Variants in GEN1 observed in about 807,000 individuals in gnomAD.
The protein encoded by GEN1 is flap endonuclease GEN homolog 1.
GEN1 carries 64 observed loss-of-function variants against 67.6 expected under a neutral mutation model. That is an observed-to-expected ratio of 0.95 (90% CI 0.77 to 1.17). GEN1 has a LOEUF of 1.17. GEN1 is among the 50% of genes most tolerant of loss of function. The pLI is 0.00. For missense variants in GEN1, 1,058 were observed against 1,048.3 expected, an observed-to-expected ratio of 1.01 and a Z score of -0.13; for synonymous variants, 371 against 359.4, an observed-to-expected ratio of 1.03 and a Z score of -0.37.
At position 17,761,548 on chromosome 2, in the gene GEN1, CAGGG is replaced by C; in HGVS notation, c.317_320del (p.Gly106AspfsTer8). 1 of 1,610,686 alleles carries C rather than the reference CAGGG, an allele frequency of 6.2e-7. No homozygotes were observed. The highest frequency in any genetic ancestry group is 1.3e-5 in the African/African-American group (1 of 74,784). ...TCTGGAAAATCGTGGTCTCAGAAAA[CAGGG>C]AGATCACATTTTAAATCAGTCTTAA... On this transcript the variant is annotated frameshift_variant, in exon 3 of 14. Coordinates refer to ENST00000381254, the MANE Select transcript of GEN1 (RefSeq NM_001130009.3). LOFTEE classifies it high-confidence loss of function.
At chr2:17,757,044 G>A (rs1296595635) in intron 1 of GEN1, among the ~76,000 whole-genome samples, 1 of 152,138 alleles carries the variant, frequency 6.6e-6, no homozygotes, top group East Asian at 1.9e-4. Flanking sequence ...CTAATAAAAT[G>A]TACATTTCAC....
At position 17,766,585 on chromosome 2, in the gene GEN1, C is replaced by T. The variant is rs747865652; in HGVS notation, c.532C>T (p.His178Tyr). The T allele has an allele frequency of 1.3e-6, 2 of 1,565,216 alleles. No homozygotes were observed. Among genetic ancestry groups the T allele is most frequent in the South Asian group, 1.1e-5 (1 of 88,210 alleles). Residue 178 changes from histidine (H) to tyrosine (Y), a missense_variant, in exon 5 of 14, where the codon CAT (histidine) becomes TAT (tyrosine). Coordinates refer to ENST00000381254, the MANE Select transcript of GEN1 (RefSeq NM_001130009.3). ...AAATCTGTTCTTTCTTTAGGACCCACATGTTGACTGTTACACAATGTCATC... is the reference window on the plus strand; with the variant it reads ...AAATCTGTTCTTTCTTTAGGACCCATATGTTGACTGTTACACAATGTCATC... ...RNFTMNTKDP[H>Y]VDCYTMSSIK... is the part of the protein sequence containing the mutation.
intron 4 of GEN1, among the ~76,000 whole-genome samples, chr2:17,765,769 T>C (rs1671898865): frequency 6.6e-6 from 1 of 152,166 alleles, no homozygotes; most frequent in African/African-American, 2.4e-5. Flanking sequence ...CCAGACATAT[T>C]AATGGTGGAA....
At chr2:17,753,339 G>GGGAGGGGACGGCCGCCTC, upstream of GEN1, among the ~76,000 whole-genome samples, 1 of 151,700 alleles carries the variant, frequency 6.6e-6, no homozygotes, top group African/African-American at 2.4e-5. Context: ...ACGGCCGCCT[G>GGGAGGGGACGGCCGCCTC]GGAGGGGACG....
Position 17,780,889 on chromosome 2 carries a change from CAGTA to C in GEN1, c.1681_1684del (p.Lys561LeufsTer2), listed in dbSNP as rs753796638. 3.1e-6 allele frequency: 5 copies of C among 1,613,744 alleles called. No homozygotes were observed. The highest frequency in any genetic ancestry group is 4.2e-6 in the Non-Finnish European group (5 of 1,179,804). The stretch of plus-strand genomic sequence containing the variant: ...TGGCTATACAGCAAATTAAAGCTGT[CAGTA>C]AGTCTCTAATTTCAGAATCTAGTCA... On this transcript the variant is annotated frameshift_variant, in exon 14 of 14. Coordinates refer to ENST00000381254, the MANE Select transcript of GEN1 (RefSeq NM_001130009.3). LOFTEE classifies it low-confidence loss of function (END_TRUNC).
At chr2:17,759,690 C>G (rs577253791) in intron 1 of GEN1, among the ~76,000 whole-genome samples, 1 of 151,972 alleles carries the variant, frequency 6.6e-6, no homozygotes, top group Non-Finnish European at 1.5e-5. Flanking sequence ...TTACAGCATC[C>G]TTGCATTCGC....
At chr2:17,778,743 A>G (rs1349035085) in intron 12 of GEN1, among the ~76,000 whole-genome samples, 1 of 151,582 alleles carries the variant, frequency 6.6e-6, no homozygotes, top group South Asian at 2.1e-4. Context: ...AAAAATTGAG[A>G]TTGTTAAAAT....
chr2:17,759,729 T>A (rs1671586595), intron 1 of GEN1, among the ~76,000 whole-genome samples, 200 bp from the exon 2 acceptor site: 1 of 152,210 alleles, frequency 6.6e-6, no homozygotes, highest in African/African-American at 2.4e-5. Context: ...TTAGCTCTTG[T>A]TTTTAGCTGG....
rs1053543403 is a variant in GEN1, at chr2:17,780,628, G to T, written c.1416G>T (p.Lys472Asn). 4.5e-6 allele frequency: 7 copies of T among 1,572,466 alleles called. No homozygotes were observed. In the African/African-American group the frequency reaches 6.8e-5, roughly 15 times the overall value. ...EIKGKKQKRI[K>N]PKENNLPEPD... ...TATTTTTTTTCTTTTCAGGTATTAA[G>T]CCTAAAGAAAACAATTTGCCAGAAC... The change falls in exon 14 of 14, where the codon AAG becomes AAT. Residue 472 changes from lysine (K) to asparagine (N), a missense_variant. Physicochemically the swap from Lys to Asn is moderately conservative, Grantham distance 94. Transcript: ENST00000381254.
chr2:17,773,075 T>G, intron 8 of GEN1, 21 bp from the exon 9 acceptor site: 2 of 1,480,068 alleles, frequency 1.4e-6, no homozygotes, highest in Non-Finnish European at 1.9e-6. Flanking sequence ...AGTAATAACA[T>G]GTATATAATT....
chr2:17,782,856 TAA>T lies in GEN1; in HGVS notation c.*918_*919del, dbSNP rs1221913898. The T allele has an allele frequency of 6.6e-6, 1 of 152,186 alleles. No individual in the cohort carries two copies. The highest frequency in any genetic ancestry group is 1.5e-5 in the Non-Finnish European group (1 of 68,034). 9.4% of individuals were successfully genotyped at this position (152,186 alleles called of 1,614,324 possible). Reference sequence around the variant, plus strand: ...TATTGACTTTAATACCACCAAATATTAAGTCATGCATTAATTTAGGTCGCACT... The same window carrying T: ...TATTGACTTTAATACCACCAAATATTGTCATGCATTAATTTAGGTCGCACT... On this transcript the variant is annotated 3_prime_UTR_variant, in exon 14 of 14. Transcript: ENST00000381254.
chr2:17,774,223 G>A (rs1355430178), intron 10 of GEN1, 48 bp from the exon 11 acceptor site: 12 of 1,123,804 alleles, frequency 1.1e-5, no homozygotes, highest in South Asian at 7.0e-5. Context: ...AGTGCTATTT[G>A]TCTCCAAGAG....
rs189890325 is a variant in GEN1, at chr2:17,774,884, T to C, written c.1202+483T>C. ...GAATTTCTCTGTTCCTATCAGGAGATTAGAGGCTGGGGTAGATAATAAAAA... is the reference window on the plus strand; with the variant it reads ...GAATTTCTCTGTTCCTATCAGGAGACTAGAGGCTGGGGTAGATAATAAAAA... On this transcript the variant is annotated intron_variant, in intron 11 of 13. Transcript: ENST00000381254. 3.2e-4 allele frequency among the ~76,000 whole-genome samples: 49 copies of C among 151,924 alleles called. No individual in the cohort carries two copies. The East Asian group carries it at 7.9e-3, about 25-fold the overall frequency.
rs1182142730 is a variant in GEN1 at position 17,785,019 on chromosome 2, T to C, written c.*3080T>C. Reference sequence around the variant, plus strand: ...GCTCTGCCTCCTGTCAGATCAGCGGTGGCATTAGAGTCTCATAGGAGCATG... The same window carrying C: ...GCTCTGCCTCCTGTCAGATCAGCGGCGGCATTAGAGTCTCATAGGAGCATG... On this transcript the variant is annotated 3_prime_UTR_variant, in exon 14 of 14. Coordinates refer to ENST00000381254, the MANE Select transcript of GEN1 (RefSeq NM_001130009.3). 6.6e-6 allele frequency: 1 copy of C among 152,172 alleles called. No homozygotes were observed. Among genetic ancestry groups the C allele is most frequent in the African/African-American group, 2.4e-5 (1 of 41,412 alleles). The allele number at this position is 152,172 out of a possible 1,614,324, so 9.4% of individuals were successfully genotyped here. A position where few individuals can be genotyped will look rare whatever the true frequency, so the allele number is the denominator to read the frequency against.
At chr2:17,767,928 G>A (rs796883147) in intron 5 of GEN1, among the ~76,000 whole-genome samples, 18 of 152,316 alleles carry the variant, frequency 1.2e-4, no homozygotes, top group African/African-American at 4.3e-4. Flanking sequence ...AGGCAATAGA[G>A]ATGGAAGAGA....
At position 17,766,693 on chromosome 2, in the gene GEN1, A is replaced by G; in HGVS notation, c.636+4A>G. 6.8e-7 allele frequency: 1 copy of G among 1,478,848 alleles called. No individual in the cohort carries two copies. The highest frequency in any genetic ancestry group is 9.4e-7 in the Non-Finnish European group (1 of 1,058,534). 91.6% of individuals were successfully genotyped at this position (1,478,848 alleles called of 1,614,324 possible). On this transcript the variant is annotated splice_donor_region_variant and intron_variant, in intron 5 of 13. Transcript: ENST00000381254. Reference sequence around the variant, plus strand: ...TGGCTGTGATTATCTCCCAAAGGTAAGCTGAAATTGTCATATTTATTTGCT... The same window carrying G: ...TGGCTGTGATTATCTCCCAAAGGTAGGCTGAAATTGTCATATTTATTTGCT...
At position 17,778,268 on chromosome 2, in the gene GEN1, ACATATATGTATATACACACACATG is replaced by A. The variant is rs1558408998; in HGVS notation, c.1264+206_1264+229del. Among the ~76,000 whole-genome samples, 8 of 93,750 alleles carry A rather than the reference ACATATATGTATATACACACACATG, an allele frequency of 8.5e-5. 2 individuals are homozygous for A. The highest frequency in any genetic ancestry group is 2.8e-4 in the African/African-American group (8 of 28,130). 61.5% of individuals were successfully genotyped at this position (93,750 alleles called of 152,430 possible). A position where few individuals can be genotyped will look rare whatever the true frequency, so the allele number is the denominator to read the frequency against. On this transcript the variant is annotated intron_variant, in intron 12 of 13. Coordinates refer to ENST00000381254, the MANE Select transcript of GEN1 (RefSeq NM_001130009.3). ...TATATGTATACACACATATGTGTGT[ACATATATGTATATACACACACATG>A]TGTGTGTACATATATGTATATACAC...
At position 17,787,776 on chromosome 2, in the gene GEN1, T is replaced by A. The variant is rs570235026; in HGVS notation, c.*5837T>A. On this transcript the variant is annotated 3_prime_UTR_variant, in exon 14 of 14. Transcript: ENST00000381254. Reference sequence around the variant, plus strand: ...CCATCTCTACAAAAAATACAAAAATTAGCCGGGTGTGGTGATGGGTACCTG... The same window carrying A: ...CCATCTCTACAAAAAATACAAAAATAAGCCGGGTGTGGTGATGGGTACCTG... 1 of 151,952 alleles carries A rather than the reference T, an allele frequency of 6.6e-6. No individual in the cohort carries two copies. The highest frequency in any genetic ancestry group is 1.5e-5 in the Non-Finnish European group (1 of 68,004). 9.4% of individuals were successfully genotyped at this position (151,952 alleles called of 1,614,324 possible). A position where few individuals can be genotyped will look rare whatever the true frequency, so the allele number is the denominator to read the frequency against.
Position 17,781,721 on chromosome 2 carries a change from C to T in GEN1, c.2509C>T (p.His837Tyr), listed in dbSNP as rs949116408. ...HNSSHFKESG[H>Y]NKLSSPKIHI... ...TTCATCCCATTTCAAAGAAAGTGGC[C>T]ATAACAAGTTGAGTAGCCCTAAGAT... Residue 837 changes from histidine to tyrosine, a missense_variant, in exon 14 of 14, where the codon CAT (histidine) becomes TAT (tyrosine). Coordinates refer to ENST00000381254, the MANE Select transcript of GEN1 (RefSeq NM_001130009.3). 4.3e-6 allele frequency: 7 copies of T among 1,612,026 alleles called. No individual in the cohort carries two copies. In the Admixed American group the frequency reaches 5.0e-5, roughly 12 times the overall value.
Sources: gnomAD v4.1 joint callset for allele counts (sites outside exome capture counted in the v4.1 genomes callset) on GRCh38, gnomAD v4.1.1 for gene constraint, MANE v1.5 for transcripts, NCBI Gene and HGNC (gene_info 2026-07-23, HGNC 2026-07-21) for gene names.